Variants in VAC14 observed in about 807,000 individuals in gnomAD.
VAC14 encodes VAC14 component of PIKFYVE complex, also known as protein VAC14 homolog.
A neutral mutation model predicts 85.3 loss-of-function variants in VAC14; 47 were observed. The ratio of observed to expected loss-of-function variants is 0.55; its 90% CI spans 0.44 to 0.70. VAC14 has a LOEUF of 0.70. Ranked by LOEUF, VAC14 falls within the 30% of genes least tolerant of loss-of-function variation. The pLI is 0.00. For missense variants in VAC14, 861 were observed against 1,004.3 expected, an observed-to-expected ratio of 0.86 and a Z score of 1.93; for synonymous variants, 447 against 430.5, an observed-to-expected ratio of 1.04 and a Z score of -0.47.
intron 14 of VAC14, among the ~76,000 whole-genome samples, chr16:70,724,792 TGA>T (rs1168094545): frequency 2.0e-5 from 3 of 152,342 alleles, no homozygotes; most frequent in Non-Finnish European, 4.4e-5. Context: ...AAGCTTCTGC[TGA>T]GAGGGAAGCA....
At chr16:70,753,011 GGTGTGTGTGTGTGTGT>G (rs372860764) in intron 12 of VAC14, among the ~76,000 whole-genome samples, 3 of 142,982 alleles carry the variant, frequency 2.1e-5, no homozygotes, top group African/African-American at 2.6e-5. Flanking sequence ...AGGAGGAGGG[GGTGTGTGTGTGTGTGT>G]GTGTGTGTGT....
chr16:70,731,470 GA>G, intron 14 of VAC14, 24 bp downstream of exon 14: 1 of 1,606,928 alleles, frequency 6.2e-7, no homozygotes, highest in Non-Finnish European at 8.5e-7. Context: ...GGAGGAAGAG[GA>G]GAAAGCGCGC....
At chr16:70,705,979 C>T (rs2053913213) in intron 14 of VAC14, among the ~76,000 whole-genome samples, 1 of 152,200 alleles carries the variant, frequency 6.6e-6, no homozygotes, top group Non-Finnish European at 1.5e-5. Flanking sequence ...AGGAAGGTCT[C>T]CTCCTACTGC....
At chr16:70,735,348 G>C (rs2054717103) in intron 13 of VAC14, among the ~76,000 whole-genome samples, 1 of 152,190 alleles carries the variant, frequency 6.6e-6, no homozygotes. Context: ...AACTTGGCCA[G>C]AAGCATCAGA....
intron 13 of VAC14, among the ~76,000 whole-genome samples, chr16:70,738,417 C>T (rs955764928): frequency 2.6e-5 from 4 of 152,126 alleles, no homozygotes; most frequent in Admixed American, 1.3e-4. Context: ...CAGGTCAGAG[C>T]GAGAGAGAAG....
intron 12 of VAC14, chr16:70,755,246 C>A: frequency 3.0e-6 from 1 of 337,974 alleles, no homozygotes; most frequent in Non-Finnish European, 5.9e-6. Flanking sequence ...CTAGGGGCCA[C>A]CAGGTCAGTG....
At chr16:70,731,027 C>A (rs2054575278) in intron 14 of VAC14, among the ~76,000 whole-genome samples, 2 of 152,208 alleles carry the variant, frequency 1.3e-5, no homozygotes, top group African/African-American at 4.8e-5. Flanking sequence ...GATGACAGTT[C>A]TAGATGCCTC....
intron 1 of VAC14, among the ~76,000 whole-genome samples, chr16:70,800,121 T>A (rs1184186674): frequency 2.0e-5 from 3 of 151,834 alleles, no homozygotes; most frequent in Non-Finnish European, 4.4e-5. Context: ...AGTAAAATAA[T>A]ACTGCAGAAA....
At chr16:70,768,165 C>T (rs946938762) in intron 10 of VAC14, among the ~76,000 whole-genome samples, 1 of 152,202 alleles carries the variant, frequency 6.6e-6, no homozygotes, top group South Asian at 2.1e-4. Flanking sequence ...GGACTACAGG[C>T]GTGAGCCACT....
At chr16:70,733,437 G>T in intron 13 of VAC14, among the ~76,000 whole-genome samples, 1 of 151,484 alleles carries the variant, frequency 6.6e-6, no homozygotes. Flanking sequence ...GAGACAGGGT[G>T]ATACTATAGT....
intron 10 of VAC14, 101 bp from the exon 11 acceptor site, chr16:70,763,126 A>T: frequency 6.6e-7 from 1 of 1,525,760 alleles, no homozygotes; most frequent in Non-Finnish European, 8.9e-7. Flanking sequence ...TGAGTCACAC[A>T]CTGCTAACCA....
chr16:70,704,417 G>A (rs1206568918), intron 14 of VAC14, among the ~76,000 whole-genome samples: 1 of 152,242 alleles, frequency 6.6e-6, no homozygotes, highest in African/African-American at 2.4e-5. Flanking sequence ...GGATAAGACA[G>A]GTCACTGATT....
In VAC14 at chr16:70,706,385, G is replaced by C. The variant is rs111879236; in HGVS notation, c.1662-7574C>G. On this transcript the variant is annotated intron_variant, in intron 14 of 18. Coordinates refer to ENST00000261776, the MANE Select transcript of VAC14 (RefSeq NM_018052.5). Reference sequence around the variant, plus strand: ...ACCAGCAGGAGGGCAACAGGCTTCAGGTGCCTGCTGAGGGCAGGGCATCCT... The same window carrying C: ...ACCAGCAGGAGGGCAACAGGCTTCACGTGCCTGCTGAGGGCAGGGCATCCT... Among the ~76,000 whole-genome samples, 28 of 152,380 alleles carry C rather than the reference G, an allele frequency of 1.8e-4. 2 individuals are homozygous for C. The highest frequency in any genetic ancestry group is 5.8e-4 in the African/African-American group (24 of 41,590).
intron 14 of VAC14, among the ~76,000 whole-genome samples, chr16:70,706,706 G>A (rs757668055): frequency 4.6e-5 from 7 of 152,158 alleles, no homozygotes; most frequent in Non-Finnish European, 1.0e-4. Context: ...TGACCAGGCT[G>A]GTCTTGAACT....
At chr16:70,695,695 C>A (rs867431910) in intron 16 of VAC14, 72 bp from the exon 17 acceptor site, 123 of 1,442,806 alleles carry the variant, frequency 8.5e-5, no homozygotes, top group South Asian at 4.5e-4. Context: ...ACACGCCCTC[C>A]CCCCCTGCAC....
intron 14 of VAC14, among the ~76,000 whole-genome samples, chr16:70,729,533 G>A (rs1429111545): frequency 2.6e-5 from 4 of 152,082 alleles, no homozygotes; most frequent in Admixed American, 2.6e-4. Context: ...GCAGCATTCA[G>A]GCTCCTGCAG....
intron 14 of VAC14, among the ~76,000 whole-genome samples, chr16:70,719,739 G>A (rs943577716): frequency 3.3e-5 from 5 of 152,156 alleles, no homozygotes; most frequent in African/African-American, 1.2e-4. Context: ...TGGTGAGGAC[G>A]TGGAGCAACT....
chr16:70,705,499 C>G (rs1404419636), intron 14 of VAC14, among the ~76,000 whole-genome samples: 1 of 152,242 alleles, frequency 6.6e-6, no homozygotes, highest in East Asian at 1.9e-4. Flanking sequence ...GAGACTGAAG[C>G]AACCATCCCC....
At chr16:70,796,735 C>G (rs1036997089) in intron 1 of VAC14, among the ~76,000 whole-genome samples, 4 of 152,210 alleles carry the variant, frequency 2.6e-5, no homozygotes, top group African/African-American at 9.7e-5. Context: ...GGGCAGACAG[C>G]ACTTTATATA....
Sources: allele counts gnomAD v4.1 joint callset (sites outside exome capture counted in the v4.1 genomes callset), GRCh38; gene constraint gnomAD v4.1.1; transcripts MANE v1.5; gene names NCBI Gene and HGNC (gene_info 2026-07-23, HGNC 2026-07-21).